HIBADH: variants seen among roughly 807,000 people sequenced by gnomAD.
HIBADH encodes the protein 3-hydroxyisobutyrate dehydrogenase, mitochondrial.
In HIBADH, 25 loss-of-function variants were observed where a neutral mutation model predicts 36.1. That is an observed-to-expected ratio of 0.69 (90% CI 0.50 to 0.97). HIBADH has a LOEUF of 0.97. Ranked by LOEUF, HIBADH falls within the 50% of genes least tolerant of loss-of-function variation. The probability of loss-of-function intolerance (pLI) is 0.00; values close to 1 mark genes in which losing one functional copy is unlikely to be tolerated. For synonymous variants in HIBADH, 160 were observed against 149.5 expected (o/e 1.07, Z -0.51); for missense variants, 421 against 418.0 (o/e 1.01, Z -0.06).
chr7:27,636,777 T>C (rs1310532176), intron 2 of HIBADH, among the ~76,000 whole-genome samples: 1 of 152,296 alleles, frequency 6.6e-6, no homozygotes, highest in East Asian at 1.9e-4. Flanking sequence ...ATGTCCTTGA[T>C]GCTAAGGATT....
chr7:27,585,680 T>C (rs1784851814), intron 4 of HIBADH, among the ~76,000 whole-genome samples: 1 of 152,166 alleles, frequency 6.6e-6, no homozygotes, highest in African/African-American at 2.4e-5. Flanking sequence ...CAAATGTCAA[T>C]GACACACACT....
Position 27,529,605 on chromosome 7 carries a change from G to A in HIBADH, c.852+1587C>T, listed in dbSNP as rs538341004. Among the ~76,000 whole-genome samples the A allele has an allele frequency of 1.4e-3, 213 of 152,324 alleles. 1 individual carries two copies. The highest frequency in any genetic ancestry group is 4.9e-3 in the African/African-American group (204 of 41,582). ...TCTTGTGCTAAACTTGAAGGGATGA[G>A]GAGTTGCTTCTTATGGATGAGCAAA... On this transcript the variant is annotated intron_variant, in intron 7 of 7. Coordinates refer to ENST00000265395, the MANE Select transcript of HIBADH (RefSeq NM_152740.4).
At chr7:27,532,758 C>T (rs1458194143) in intron 6 of HIBADH, among the ~76,000 whole-genome samples, 1 of 152,082 alleles carries the variant, frequency 6.6e-6, no homozygotes, top group African/African-American at 2.4e-5. Context: ...AGAGAGAAAC[C>T]CAACAGTTTC....
chr7:27,540,316 C>T (rs549727524), intron 5 of HIBADH, among the ~76,000 whole-genome samples: 5 of 152,278 alleles, frequency 3.3e-5, no homozygotes, highest in African/African-American at 1.2e-4. Context: ...TCCTCATCAT[C>T]TGGTACTGTT....
At chr7:27,543,503 G>C (rs142196795) in intron 4 of HIBADH, among the ~76,000 whole-genome samples, 2 of 152,198 alleles carry the variant, frequency 1.3e-5, no homozygotes, top group Admixed American at 6.6e-5. Context: ...AGCAGCCAGA[G>C]AGAGGTCTGC....
intron 2 of HIBADH, among the ~76,000 whole-genome samples, chr7:27,637,384 C>T (rs1474751883): frequency 2.6e-5 from 4 of 152,158 alleles, no homozygotes; most frequent in African/African-American, 9.7e-5. Context: ...TCATTATTAT[C>T]AGTTACGTTT....
intron 2 of HIBADH, among the ~76,000 whole-genome samples, chr7:27,640,467 C>T (rs766075464): frequency 1.3e-5 from 2 of 152,116 alleles, no homozygotes; most frequent in Non-Finnish European, 2.9e-5. Context: ...GAGGTTGAGG[C>T]TGCAGTGAGC....
intron 4 of HIBADH, among the ~76,000 whole-genome samples, chr7:27,554,602 T>C (rs1209208920): frequency 1.3e-5 from 2 of 152,196 alleles, no homozygotes; most frequent in African/African-American, 4.8e-5. Flanking sequence ...GTGCCCTCTA[T>C]TTTAAAGAGA....
chr7:27,594,146 T>TGC (rs11408852), intron 4 of HIBADH, among the ~76,000 whole-genome samples: 1 of 120,866 alleles, frequency 8.3e-6, no homozygotes, highest in Non-Finnish European at 1.9e-5. Flanking sequence ...ATGTTTTTGT[T>TGC]TTTTTGTTTT....
chr7:27,640,005 G>C (rs1785932794), intron 2 of HIBADH, among the ~76,000 whole-genome samples: 1 of 152,166 alleles, frequency 6.6e-6, no homozygotes, highest in African/African-American at 2.4e-5. Context: ...TGTGAGGTTT[G>C]CAAAATTTAT....
chr7:27,549,052 T>C (rs1267316419), intron 4 of HIBADH, among the ~76,000 whole-genome samples: 1 of 152,186 alleles, frequency 6.6e-6, no homozygotes, highest in East Asian at 1.9e-4. Flanking sequence ...TGGTATGCTT[T>C]TTATTAGACG....
chr7:27,600,834 CTCT>C (rs1785119433), intron 4 of HIBADH, among the ~76,000 whole-genome samples: 3 of 151,990 alleles, frequency 2.0e-5, no homozygotes, highest in Admixed American at 2.0e-4. Flanking sequence ...GAAGAAGAGC[CTCT>C]TCTTTACTCT....
chr7:27,538,318 TA>T, intron 6 of HIBADH, 22 bp downstream of exon 6: 1 of 1,577,246 alleles, frequency 6.3e-7, no homozygotes. Context: ...AATGTTAGTA[TA>T]AAAACGTACT....
intron 4 of HIBADH, among the ~76,000 whole-genome samples, chr7:27,604,390 A>T (rs1020198920): frequency 6.6e-6 from 1 of 151,318 alleles, no homozygotes; most frequent in Non-Finnish European, 1.5e-5. Flanking sequence ...AATAGTAAGT[A>T]TAATTTTTAC....
chr7:27,557,200 G>T (rs1157362702), intron 4 of HIBADH, among the ~76,000 whole-genome samples: 4 of 146,958 alleles, frequency 2.7e-5, no homozygotes, highest in East Asian at 2.0e-4. Flanking sequence ...TGAGCTTAAG[G>T]TTTTTTTTTT....
intron 4 of HIBADH, among the ~76,000 whole-genome samples, chr7:27,553,027 C>A (rs1287278733): frequency 6.6e-6 from 1 of 152,080 alleles, no homozygotes; most frequent in East Asian, 1.9e-4. Context: ...GATTGTGAAA[C>A]ATCTTAATAA....
chr7:27,565,076 C>T (rs1221098691), intron 4 of HIBADH, among the ~76,000 whole-genome samples: 1 of 152,128 alleles, frequency 6.6e-6, no homozygotes, highest in Admixed American at 6.6e-5. Flanking sequence ...CTAAAGCTCA[C>T]ATCCCCAACT....
chr7:27,662,718 G>T lies in HIBADH; in HGVS notation c.71C>A (p.Ala24Glu), dbSNP rs1257819272. The part of the protein sequence containing the change: ...LRYWSRRLRP[A>E]AGSFAAVCSR... Reference sequence around the variant, plus strand: ...CTTACCCGCTGCAAAGCTGCCGGCTGCCGGCCGCAGCCGCCGGCTCCAGTA... The same window carrying T: ...CTTACCCGCTGCAAAGCTGCCGGCTTCCGGCCGCAGCCGCCGGCTCCAGTA... Residue 24 changes from alanine (A) to glutamate (E), a missense_variant, in exon 1 of 8, where the codon GCA (alanine) becomes GAA (glutamate). Ala to Glu is a moderately radical substitution (Grantham distance 107). Transcript: ENST00000265395. The T allele has an allele frequency of 7.3e-7, 1 of 1,377,764 alleles. No individual in the cohort carries two copies. The highest frequency in any genetic ancestry group is 9.4e-7 in the Non-Finnish European group (1 of 1,059,716). The allele number at this position is 1,377,764 out of a possible 1,614,324, so 85.3% of individuals were successfully genotyped here. A position where few individuals can be genotyped will look rare whatever the true frequency, so the allele number is the denominator to read the frequency against.
chr7:27,599,170 T>C (rs917118871), intron 4 of HIBADH, among the ~76,000 whole-genome samples: 4 of 152,192 alleles, frequency 2.6e-5, no homozygotes, highest in African/African-American at 9.7e-5. Flanking sequence ...TCACATATGA[T>C]GTATGTACCA....
Sources: gnomAD v4.1 joint callset for allele counts (sites outside exome capture counted in the v4.1 genomes callset) on GRCh38, gnomAD v4.1.1 for gene constraint, MANE v1.5 for transcripts, NCBI Gene and HGNC (gene_info 2026-07-23, HGNC 2026-07-21) for gene names.